Variants in RBM19 observed in about 807,000 individuals in gnomAD.
RBM19 encodes RNA binding motif protein 19, also known as probable RNA-binding protein 19.
In RBM19, 94 loss-of-function variants were observed where a neutral mutation model predicts 116.8. That is an observed-to-expected ratio of 0.80 (90% confidence interval 0.68 to 0.95). The LOEUF (loss-of-function observed/expected upper bound fraction) is 0.95, where lower values mean the gene tolerates loss of function less well. RBM19 is among the 40% of genes least tolerant of loss of function. The probability of loss-of-function intolerance (pLI) is 0.00; values close to 1 mark genes in which losing one functional copy is unlikely to be tolerated. For synonymous variants in RBM19, 475 were observed against 494.1 expected, an observed-to-expected ratio of 0.96 and a Z score of 0.51; for missense variants, 1,161 against 1,220.7, an observed-to-expected ratio of 0.95 and a Z score of 0.73.
chr12:113,904,041 T>C (rs1286944793), intron 21 of RBM19, among the ~76,000 whole-genome samples: 2 of 152,202 alleles, frequency 1.3e-5, no homozygotes, highest in Non-Finnish European at 2.9e-5. Flanking sequence ...CAAGGACTCC[T>C]ACATTCTGTC....
intron 23 of RBM19, among the ~76,000 whole-genome samples, chr12:113,832,185 T>C (rs1007011031): frequency 7.1e-6 from 1 of 140,958 alleles, no homozygotes; most frequent in African/African-American, 2.7e-5. Flanking sequence ...AAAGTTATCA[T>C]TTCTTTTTTC....
intron 22 of RBM19, among the ~76,000 whole-genome samples, chr12:113,847,184 A>G (rs1258115524): frequency 6.6e-6 from 1 of 152,214 alleles, no homozygotes; most frequent in Non-Finnish European, 1.5e-5. Flanking sequence ...GCAGCACATA[A>G]TACACATTCA....
intron 19 of RBM19, among the ~76,000 whole-genome samples, chr12:113,920,383 T>C (rs1868423662): frequency 6.6e-6 from 1 of 152,222 alleles, no homozygotes; most frequent in Non-Finnish European, 1.5e-5. Flanking sequence ...CGTCAGGCCC[T>C]TGATAATAGT....
At chr12:113,934,965 C>G (rs1389604291) in intron 16 of RBM19, among the ~76,000 whole-genome samples, 1 of 152,324 alleles carries the variant, frequency 6.6e-6, no homozygotes, top group Non-Finnish European at 1.5e-5. Flanking sequence ...CTGGGCCCCC[C>G]GGGGTGCTGG....
intron 22 of RBM19, among the ~76,000 whole-genome samples, chr12:113,848,756 A>T (rs1287224947): frequency 6.6e-6 from 1 of 152,116 alleles, no homozygotes; most frequent in Non-Finnish European, 1.5e-5. Context: ...GCGTTTTTCT[A>T]AACCTCAGCT....
At chr12:113,847,046 C>T (rs1022609763) in intron 22 of RBM19, among the ~76,000 whole-genome samples, 27 of 152,150 alleles carry the variant, frequency 1.8e-4, no homozygotes, top group African/African-American at 6.0e-4. Context: ...CGGTCTGTGG[C>T]GTTTTGTTAT....
chr12:113,863,273 C>T (rs924426421), intron 21 of RBM19, among the ~76,000 whole-genome samples: 1 of 151,906 alleles, frequency 6.6e-6, no homozygotes, highest in African/African-American at 2.4e-5. Flanking sequence ...TTTCCTCTCT[C>T]CGTGCAAATT....
chr12:113,939,887 A>C, intron 15 of RBM19, 73 bp downstream of exon 15: 1 of 1,515,362 alleles, frequency 6.6e-7, no homozygotes, highest in South Asian at 1.2e-5. Flanking sequence ...TCCATAGCCC[A>C]CTGCACCCTC....
At chr12:113,872,536 C>A (rs1879319349) in intron 21 of RBM19, among the ~76,000 whole-genome samples, 1 of 128,378 alleles carries the variant, frequency 7.8e-6, no homozygotes, top group Non-Finnish European at 1.7e-5. Context: ...TGTCGGCCCC[C>A]CGCCCGGCCA....
At chr12:113,890,620 G>A (rs1033805144) in intron 21 of RBM19, among the ~76,000 whole-genome samples, 7 of 152,308 alleles carry the variant, frequency 4.6e-5, no homozygotes, top group African/African-American at 1.7e-4. Context: ...CTCTGGCCAC[G>A]GTGGAGAGAC....
intron 16 of RBM19, among the ~76,000 whole-genome samples, chr12:113,929,610 C>G (rs767208937): frequency 1.2e-4 from 19 of 152,232 alleles, no homozygotes; most frequent in Admixed American, 2.6e-4. Flanking sequence ...TGGACCAGAA[C>G]TTCAATGGAG....
intron 21 of RBM19, among the ~76,000 whole-genome samples, chr12:113,863,577 A>C (rs1029760622): frequency 6.6e-6 from 1 of 152,162 alleles, no homozygotes; most frequent in African/African-American, 2.4e-5. Flanking sequence ...CTCCCAGGAC[A>C]TAAGTCCCCC....
chr12:113,896,281 G>A (rs994707045), intron 21 of RBM19, among the ~76,000 whole-genome samples: 8 of 152,146 alleles, frequency 5.3e-5, no homozygotes, highest in African/African-American at 1.9e-4. Context: ...TGCTTTGTTC[G>A]CTTGCCCCAG....
intron 23 of RBM19, among the ~76,000 whole-genome samples, chr12:113,833,316 C>T (rs992698957): frequency 1.6e-4 from 25 of 152,320 alleles, no homozygotes; most frequent in African/African-American, 5.8e-4. Flanking sequence ...GCTTCCCCAC[C>T]TCCACAGCCT....
chr12:113,900,813 T>C lies in RBM19; in HGVS notation c.2558+14156A>G, dbSNP rs986579217. ...AGCCTCTGATCATCCTCTGGACATA[T>C]TGGTAGGATGATCAAAAAGGAGAAG... On this transcript the variant is annotated intron_variant, in intron 21 of 23. Transcript: ENST00000261741. Among the ~76,000 whole-genome samples the C allele has an allele frequency of 5.9e-5, 9 of 152,188 alleles. No homozygotes were observed. In the South Asian group the frequency reaches 6.2e-4, roughly 11 times the overall value.
chr12:113,945,965 G>A (rs1286781898), intron 12 of RBM19, 41 bp from the exon 13 acceptor site: 3 of 1,490,808 alleles, frequency 2.0e-6, no homozygotes, highest in Non-Finnish European at 2.8e-6. Context: ...GACCGCAGCT[G>A]GATGAGGGGA....
At chr12:113,841,586 G>A (rs1430720109) in intron 23 of RBM19, among the ~76,000 whole-genome samples, 2 of 152,038 alleles carry the variant, frequency 1.3e-5, no homozygotes, top group African/African-American at 4.8e-5. Context: ...ACCAAGCCTG[G>A]CTATTTTTTT....
rs778327046 is a variant in RBM19 at position 113,858,942 on chromosome 12, C to T, written c.2559-46G>A. 10 of 1,558,438 alleles carry T rather than the reference C, an allele frequency of 6.4e-6. No individual in the cohort carries two copies. In the South Asian group the frequency reaches 1.0e-4, roughly 16 times the overall value. ...ATAGGGGTTTAAGAATAGAGGCCCG[C>T]AAGGGAGGTCGGGAAGGCAGGACTG... is the stretch of plus-strand genomic sequence containing the variant. On this transcript the variant is annotated intron_variant, in intron 21 of 23. Transcript: ENST00000261741.
At chr12:113,849,380 T>C (rs1877267900) in intron 22 of RBM19, among the ~76,000 whole-genome samples, 1 of 152,212 alleles carries the variant, frequency 6.6e-6, no homozygotes, top group East Asian at 1.9e-4. Context: ...CTGGGGTAGA[T>C]GGTTAGGCTG....
Sources: gnomAD v4.1 joint callset for allele counts (sites outside exome capture counted in the v4.1 genomes callset) on GRCh38, gnomAD v4.1.1 for gene constraint, MANE v1.5 for transcripts, NCBI Gene and HGNC (gene_info 2026-07-23, HGNC 2026-07-21) for gene names.